SUFU: variants seen among roughly 807,000 people sequenced by gnomAD.
The protein encoded by SUFU is suppressor of fused homolog.
A neutral mutation model predicts 58.9 loss-of-function variants in SUFU; 7 were observed. That is an observed-to-expected ratio of 0.12 (90% CI 0.07 to 0.22). The LOEUF is 0.22. Ranked by LOEUF, SUFU falls within the 10% of genes least tolerant of loss-of-function variation. The pLI, the probability that SUFU is intolerant of heterozygous loss-of-function variation, is 1.00. For missense variants in SUFU, 451 were observed against 641.3 expected, an observed-to-expected ratio of 0.70 and a Z score of 3.20; for synonymous variants, 232 against 254.8, an observed-to-expected ratio of 0.91 and a Z score of 0.85.
In SUFU at chr10:102,566,876, C is replaced by T. The variant is rs185781026; in HGVS notation, c.454+16770C>T. Among the ~76,000 whole-genome samples the T allele has an allele frequency of 9.1e-3, 1,322 of 144,982 alleles. 20 individuals carry two copies. The highest frequency in any genetic ancestry group is 0.031 in the African/African-American group (1,245 of 39,634). On this transcript the variant is annotated intron_variant, in intron 3 of 11. Transcript: ENST00000369902. ...AGGAGAATCACTTGAACCCGGAAGG[C>T]GGAGGTTGCAGTGAGCCGAGATTGT...
intron 10 of SUFU, chr10:102,618,931 CGTGTGT>C (rs59259635): frequency 0.069 from 39,663 of 571,448 alleles, 219 homozygotes; most frequent in Middle Eastern, 0.092. Flanking sequence ...CCTCAGGTAG[CGTGTGT>C]GTGTGTGTGT....
At chr10:102,504,602 C>T (rs1399740222) in intron 1 of SUFU, among the ~76,000 whole-genome samples, 1 of 139,072 alleles carries the variant, frequency 7.2e-6, no homozygotes, top group South Asian at 2.3e-4. Context: ...GAGGGGGGAA[C>T]GGCAGGAGCG....
chr10:102,601,057 G>T (rs2063511110), intron 8 of SUFU, among the ~76,000 whole-genome samples: 1 of 152,140 alleles, frequency 6.6e-6, no homozygotes, highest in Non-Finnish European at 1.5e-5. Context: ...GGGCCTCCTT[G>T]GCACTGTTGG....
rs1554849291 is a variant in SUFU at position 102,568,941 on chromosome 10, T to TATATACATATATATAC, written c.454+18840_454+18841insCATATATATACATATA. ...ATATACACATATATATATATATATATATATATATATATATATATATATCTA... is the reference window on the plus strand; with the variant it reads ...ATATACACATATATATATATATATATATATACATATATATACATATATATATATATATATATATCTA... On this transcript the variant is annotated intron_variant, in intron 3 of 11. Coordinates refer to ENST00000369902, the MANE Select transcript of SUFU (RefSeq NM_016169.4). Among the ~76,000 whole-genome samples the TATATACATATATATAC allele has an allele frequency of 1.5e-4, 10 of 68,416 alleles. 1 individual carries two copies. Among genetic ancestry groups the TATATACATATATATAC allele is most frequent in the African/African-American group, 5.1e-4 (10 of 19,582 alleles). The allele number at this position is 68,416 out of a possible 152,430, so 44.9% of individuals were successfully genotyped here.
intron 3 of SUFU, among the ~76,000 whole-genome samples, chr10:102,568,919 T>TATATATAC (rs2063127845): frequency 7.4e-5 from 1 of 13,440 alleles, no homozygotes; most frequent in African/African-American, 3.7e-4. Context: ...TATATATATA[T>TATATATAC]ACACATATAT....
In SUFU at chr10:102,632,149, T is replaced by G. The variant is rs1450679505; in HGVS notation, c.*1994T>G. The G allele has an allele frequency of 4.3e-6, 1 of 233,210 alleles. No individual in the cohort carries two copies. The highest frequency in any genetic ancestry group is 6.0e-5 in the East Asian group (1 of 16,596). 14.4% of individuals were successfully genotyped at this position (233,210 alleles called of 1,614,324 possible). A position where few individuals can be genotyped will look rare whatever the true frequency, so the allele number is the denominator to read the frequency against. ...GCCGTACTTCCATCTGCTGGGTGCC[T>G]CCATCGTTGGTTGGGTGGGGATGGG... On this transcript the variant is annotated 3_prime_UTR_variant, in exon 12 of 12. Transcript: ENST00000369902.
intron 3 of SUFU, among the ~76,000 whole-genome samples, chr10:102,576,288 T>C (rs1012464726): frequency 6.6e-6 from 1 of 152,144 alleles, no homozygotes; most frequent in African/African-American, 2.4e-5. Flanking sequence ...TTTCTATGTA[T>C]TCACCTTCTT....
chr10:102,503,763 A>G (rs1441237801), upstream of SUFU, among the ~76,000 whole-genome samples: 1 of 152,170 alleles, frequency 6.6e-6, no homozygotes, highest in Non-Finnish European at 1.5e-5. Context: ...GAGGGTGCTC[A>G]GCATCTCTAA....
At position 102,599,481 on chromosome 10, in the gene SUFU, G is replaced by A. The variant is rs753862598; in HGVS notation, c.959G>A (p.Ser320Asn). ...ETLRRGLEINSKPVLPPINPQ... is the reference protein window; with the variant it reads ...ETLRRGLEINNKPVLPPINPQ... The stretch of plus-strand genomic sequence containing the variant: ...CTGAGGAGAGGACTCGAGATCAACA[G>A]CAAACCTGTCCTTCCACCAATCAAC... The change falls in exon 8 of 12, where the codon AGC becomes AAC. Residue 320 changes from serine to asparagine, a missense_variant. By Grantham distance (46) the Ser-to-Asn change is conservative (BLOSUM62 1). Coordinates refer to ENST00000369902, the MANE Select transcript of SUFU (RefSeq NM_016169.4). 3.1e-6 allele frequency: 5 copies of A among 1,614,162 alleles called. No homozygotes were observed. The highest frequency in any genetic ancestry group is 3.4e-6 in the Non-Finnish European group (4 of 1,180,032).
At position 102,540,951 on chromosome 10, in the gene SUFU, G is replaced by A. The variant is rs191682993; in HGVS notation, c.318-9019G>A. Among the ~76,000 whole-genome samples, 391 of 152,198 alleles carry A rather than the reference G, an allele frequency of 2.6e-3. 1 individual carries two copies. Among genetic ancestry groups the A allele is most frequent in the Non-Finnish European group, 4.2e-3 (289 of 68,016 alleles). ...GCAGGTGAATCACTTGAACCCGGGAGGCGGAGGTTGCAGTGATCAGAGATC... is the reference window on the plus strand; with the variant it reads ...GCAGGTGAATCACTTGAACCCGGGAAGCGGAGGTTGCAGTGATCAGAGATC... On this transcript the variant is annotated intron_variant, in intron 2 of 11. Transcript: ENST00000369902.
intron 2 of SUFU, among the ~76,000 whole-genome samples, chr10:102,510,467 C>G (rs986316920): frequency 9.9e-6 from 1 of 101,198 alleles, no homozygotes; most frequent in Non-Finnish European, 2.0e-5. Context: ...CTCGGCCTCC[C>G]AAAGTGCTGG....
chr10:102,568,173 G>A (rs966888538), intron 3 of SUFU, among the ~76,000 whole-genome samples: 4 of 150,202 alleles, frequency 2.7e-5, no homozygotes, highest in Non-Finnish European at 5.9e-5. Flanking sequence ...AAACCTTGTC[G>A]CAGAACAATG....
upstream of SUFU, among the ~76,000 whole-genome samples, chr10:102,503,349 C>A (rs1362000205): frequency 1.3e-5 from 2 of 152,134 alleles, no homozygotes; most frequent in African/African-American, 2.4e-5. Flanking sequence ...GCAATTGGAA[C>A]TACTGGTATA....
At position 102,631,858 on chromosome 10, in the gene SUFU, G is replaced by A. The variant is rs1236780975; in HGVS notation, c.*1703G>A. The A allele has an allele frequency of 4.3e-6, 1 of 233,284 alleles. No homozygotes were observed. Among genetic ancestry groups the A allele is most frequent in the Non-Finnish European group, 8.5e-6 (1 of 118,142 alleles). The allele number at this position is 233,284 out of a possible 1,614,324, so 14.5% of individuals were successfully genotyped here. A position where few individuals can be genotyped will look rare whatever the true frequency, so the allele number is the denominator to read the frequency against. ...ATATCAGCCTGGAGTATTTGGGAGA[G>A]ACTGGCTGCAGATCCCCGCCAGCCA... is the stretch of plus-strand genomic sequence containing the variant. On this transcript the variant is annotated 3_prime_UTR_variant, in exon 12 of 12. Coordinates refer to ENST00000369902, the MANE Select transcript of SUFU (RefSeq NM_016169.4).
intron 2 of SUFU, among the ~76,000 whole-genome samples, chr10:102,517,763 A>G (rs1047650085): frequency 6.6e-6 from 1 of 152,158 alleles, no homozygotes. Context: ...GCCCTGAGGA[A>G]TGGTATCCTC....
chr10:102,592,288 TG>T (rs1446609798), intron 3 of SUFU, among the ~76,000 whole-genome samples: 4 of 152,322 alleles, frequency 2.6e-5, no homozygotes, highest in African/African-American at 7.2e-5. Context: ...GTCGGGATAT[TG>T]GGGAAGCGAA....
rs1012278061 is a variant in SUFU at position 102,631,061 on chromosome 10, C to T, written c.*906C>T. On this transcript the variant is annotated 3_prime_UTR_variant, in exon 12 of 12. Coordinates refer to ENST00000369902, the MANE Select transcript of SUFU (RefSeq NM_016169.4). ...GGCCTTTTCCACCCAACCAGGCCTA[C>T]CTGGGAGAGGGTGAGGTTCAGCACA... 2.1e-5 allele frequency: 5 copies of T among 233,362 alleles called. No individual in the cohort carries two copies. Among genetic ancestry groups the T allele is most frequent in the African/African-American group, 1.1e-4 (5 of 45,350 alleles). 14.5% of individuals were successfully genotyped at this position (233,362 alleles called of 1,614,324 possible).
rs10656431 is a variant in SUFU at position 102,577,080 on chromosome 10, C to CTTTTTTTTTTTTTTTTTTTTTTTTTT, written c.455-15498_455-15497insTTTTTTTTTTTTTTTTTTTTTTTTTT. The stretch of plus-strand genomic sequence containing the variant: ...AGTAGAAGCATGTCCTGGATTTTTT[C>CTTTTTTTTTTTTTTTTTTTTTTTTTT]TTTTCTTTTTTTTTTTTTTTTGAGA... On this transcript the variant is annotated intron_variant, in intron 3 of 11. Coordinates refer to ENST00000369902, the MANE Select transcript of SUFU (RefSeq NM_016169.4). 4.1e-5 allele frequency among the ~76,000 whole-genome samples: 4 copies of CTTTTTTTTTTTTTTTTTTTTTTTTTT among 97,086 alleles called. 2 individuals carry two copies. The highest frequency in any genetic ancestry group is 2.3e-4 in the Admixed American group (2 of 8,608). The allele number at this position is 97,086 out of a possible 152,430, so 63.7% of individuals were successfully genotyped here. A position where few individuals can be genotyped will look rare whatever the true frequency, so the allele number is the denominator to read the frequency against.
intron 10 of SUFU, among the ~76,000 whole-genome samples, chr10:102,618,884 A>G (rs748931706): frequency 1.4e-4 from 21 of 150,692 alleles, no homozygotes; most frequent in Non-Finnish European, 2.8e-4. Context: ...GGTAAGGACA[A>G]GCCCCTGAGA....
Sources: allele counts gnomAD v4.1 joint callset (sites outside exome capture counted in the v4.1 genomes callset), GRCh38; gene constraint gnomAD v4.1.1; transcripts MANE v1.5; gene names NCBI Gene and HGNC (gene_info 2026-07-23, HGNC 2026-07-21).